PCDH15: variants seen among roughly 807,000 people sequenced by gnomAD.
PCDH15 encodes the protein protocadherin-15.
PCDH15 carries 129 observed loss-of-function variants against 178.5 expected under a neutral mutation model. That is an observed-to-expected ratio of 0.72 (90% CI 0.63 to 0.84). The LOEUF (loss-of-function observed/expected upper bound fraction) is 0.84, where lower values mean the gene tolerates loss of function less well. PCDH15 is among the 40% of genes least tolerant of loss of function. The probability of loss-of-function intolerance (pLI) is 0.00; values close to 1 mark genes in which losing one functional copy is unlikely to be tolerated. For missense variants in PCDH15, 2,230 were observed against 2,099.9 expected (o/e 1.06, Z -1.21); for synonymous variants, 800 against 732.0 (o/e 1.09, Z -1.50).
intron 8 of PCDH15, among the ~76,000 whole-genome samples, chr10:54,246,609 C>T (rs2055955965): frequency 6.6e-6 from 1 of 151,380 alleles, no homozygotes; most frequent in Non-Finnish European, 1.5e-5. Context: ...CTTTGTACTT[C>T]TTCTAGGGTA....
chr10:54,722,860 G>T lies in PCDH15; in HGVS notation c.-28-58570C>A, dbSNP rs148930221. Among the ~76,000 whole-genome samples the T allele has an allele frequency of 2.1e-3, 323 of 151,692 alleles. 1 individual carries two copies. Among genetic ancestry groups the T allele is most frequent in the African/African-American group, 7.6e-3 (314 of 41,492 alleles). On this transcript the variant is annotated intron_variant, in intron 1 of 37. Coordinates refer to ENST00000644397, the MANE Select transcript of PCDH15 (RefSeq NM_001384140.1). ...GCAAAATAGTTAAATATCTGTACAA[G>T]AAGAATGACAAACACTGATGAAAGA...
intron 2 of PCDH15, among the ~76,000 whole-genome samples, chr10:55,598,829 G>A (rs555209931): frequency 1.3e-5 from 2 of 151,872 alleles, no homozygotes; most frequent in Non-Finnish European, 1.5e-5. Context: ...GAGATAAATC[G>A]TAACACGGTA....
intron 1 of PCDH15, among the ~76,000 whole-genome samples, chr10:55,197,324 C>T (rs1224703015): frequency 6.6e-6 from 1 of 151,946 alleles, no homozygotes; most frequent in Admixed American, 6.6e-5. Context: ...ATTCAATAAA[C>T]AGCATCTTTT....
rs143752870 is a variant in PCDH15, at chr10:54,725,785, G to A, written c.-28-61495C>T. Among the ~76,000 whole-genome samples the A allele has an allele frequency of 2.3e-3, 350 of 151,350 alleles. 2 individuals are homozygous for A. The highest frequency in any genetic ancestry group is 8.7e-3 in the South Asian group (42 of 4,812). On this transcript the variant is annotated intron_variant, in intron 1 of 37. Coordinates refer to ENST00000644397, the MANE Select transcript of PCDH15 (RefSeq NM_001384140.1). ...TAATACCATCCATGTGAGTGGCTGA[G>A]CCTAGTAATAATTTGCAGTAAATAT...
chr10:55,033,396 A>C (rs1840658410), intron 2 of PCDH15, among the ~76,000 whole-genome samples: 1 of 152,122 alleles, frequency 6.6e-6, no homozygotes, highest in Non-Finnish European at 1.5e-5. Context: ...TTGGGGCCCA[A>C]CCTTACCCCA....
intron 3 of PCDH15, among the ~76,000 whole-genome samples, chr10:54,442,306 T>A (rs1275350482): frequency 6.7e-6 from 1 of 148,510 alleles, no homozygotes; most frequent in Non-Finnish European, 1.5e-5. Context: ...AAACCGTGGA[T>A]TAAATCCATA....
At chr10:54,641,172 T>G (rs556860953) in intron 2 of PCDH15, 64 of 191,550 alleles carry the variant, frequency 3.3e-4, no homozygotes, top group Middle Eastern at 2.2e-3. Flanking sequence ...TAAAGTTTTG[T>G]GTGTGTGTAC....
chr10:55,378,877 A>ATCTC (rs67020951), intron 2 of PCDH15, among the ~76,000 whole-genome samples: 2,865 of 124,136 alleles, frequency 0.023, 34 homozygotes, highest in Middle Eastern at 0.06. Flanking sequence ...AACTCTCCCC[A>ATCTC]TCTCTCTCTC....
intron 2 of PCDH15, among the ~76,000 whole-genome samples, chr10:55,550,631 T>G (rs1841985456): frequency 2.6e-5 from 4 of 152,166 alleles, no homozygotes; most frequent in Non-Finnish European, 5.9e-5. Flanking sequence ...CAAAATATTT[T>G]GCTCTATTAT....
At chr10:54,223,552 A>ATTTTTTTTTTTTTTT (rs2053113997) in intron 9 of PCDH15, among the ~76,000 whole-genome samples, 14 of 99,316 alleles carry the variant, frequency 1.4e-4, no homozygotes, top group Admixed American at 2.2e-4. Flanking sequence ...CTTTTGCTTC[A>ATTTTTTTTTTTTTTT]TATTATTTTT....
chr10:55,305,004 G>A (rs1375847207), intron 1 of PCDH15, among the ~76,000 whole-genome samples: 1 of 152,014 alleles, frequency 6.6e-6, no homozygotes, highest in Non-Finnish European at 1.5e-5. Flanking sequence ...TAAAACCATA[G>A]GGCTTAAGCT....
chr10:53,978,724 C>A (rs2090392216), intron 21 of PCDH15, among the ~76,000 whole-genome samples: 1 of 149,926 alleles, frequency 6.7e-6, no homozygotes, highest in Admixed American at 6.6e-5. Flanking sequence ...ACTCTGCTTC[C>A]TTTTGAACAC....
intron 1 of PCDH15, among the ~76,000 whole-genome samples, chr10:55,237,736 A>G (rs1421255487): frequency 1.3e-5 from 2 of 152,106 alleles, no homozygotes. Context: ...TTCCTCTGAA[A>G]TGTTATTTTG....
chr10:54,918,207 TCAA>T (rs1157425104), intron 2 of PCDH15, among the ~76,000 whole-genome samples: 2 of 152,172 alleles, frequency 1.3e-5, no homozygotes, highest in Non-Finnish European at 2.9e-5. Flanking sequence ...TCCAGCCTTT[TCAA>T]CTACCTTTGA....
At chr10:54,331,029 G>A (rs1212174465) in intron 6 of PCDH15, among the ~76,000 whole-genome samples, 4 of 151,712 alleles carry the variant, frequency 2.6e-5, no homozygotes, top group East Asian at 1.9e-4. Flanking sequence ...AGAAAGGGAA[G>A]GGGAAGTGTG....
At chr10:54,799,268 A>G (rs1290728925) in intron 1 of PCDH15, among the ~76,000 whole-genome samples, 1 of 152,152 alleles carries the variant, frequency 6.6e-6, no homozygotes, top group African/African-American at 2.4e-5. Flanking sequence ...TGAAAGTTGT[A>G]TAATAAAAAG....
chr10:54,553,056 A>C (rs1590067734), intron 2 of PCDH15, among the ~76,000 whole-genome samples: 2 of 152,272 alleles, frequency 1.3e-5, no homozygotes, highest in Admixed American at 6.5e-5. Context: ...TGCATTACAC[A>C]ACTTGAGACC....
chr10:54,079,098 G>C (rs2094393341), intron 17 of PCDH15, among the ~76,000 whole-genome samples: 1 of 152,182 alleles, frequency 6.6e-6, no homozygotes, highest in African/African-American at 2.4e-5. Flanking sequence ...AGTTAGGTGA[G>C]AATGCTGATC....
At chr10:55,253,897 A>T (rs1007595466) in intron 1 of PCDH15, among the ~76,000 whole-genome samples, 1 of 152,226 alleles carries the variant, frequency 6.6e-6, no homozygotes, top group Non-Finnish European at 1.5e-5. Flanking sequence ...ACATTCAATG[A>T]TTAGGTAAGA....
Sources: allele counts gnomAD v4.1 joint callset (sites outside exome capture counted in the v4.1 genomes callset), GRCh38; gene constraint gnomAD v4.1.1; transcripts MANE v1.5; gene names NCBI Gene and HGNC (gene_info 2026-07-23, HGNC 2026-07-21).